Variants in ZNF140 observed in about 807,000 individuals in gnomAD.
The protein encoded by ZNF140 is zinc finger protein 140.
A neutral mutation model predicts 12.9 loss-of-function variants in ZNF140; 13 were observed. The ratio of observed to expected loss-of-function variants is 1.01; its 90% confidence interval spans 0.66 to 1.60. The LOEUF (loss-of-function observed/expected upper bound fraction) is 1.60, where lower values mean the gene tolerates loss of function less well. Among genes scored for constraint, ZNF140 ranks in the 40% most tolerant of loss-of-function variants. The pLI is 0.00. For missense variants in ZNF140, 531 were observed against 548.8 expected, an observed-to-expected ratio of 0.97 and a Z score of 0.32; for synonymous variants, 214 against 186.7, an observed-to-expected ratio of 1.15 and a Z score of -1.19.
chr12:133,084,927 A>G (rs1394579747), intron 4 of ZNF140, among the ~76,000 whole-genome samples: 1 of 152,248 alleles, frequency 6.6e-6, no homozygotes, highest in Non-Finnish European at 1.5e-5. Context: ...AAATGAGGAA[A>G]AATGTCCTTT....
chr12:133,088,053 C>A (rs1270586157), intron 4 of ZNF140, among the ~76,000 whole-genome samples: 3 of 151,548 alleles, frequency 2.0e-5, no homozygotes, highest in Non-Finnish European at 4.4e-5. Context: ...TCGCTGGAGC[C>A]CAGGAGGCAG....
At chr12:133,100,479 T>A (rs1955308209) in intron 4 of ZNF140, among the ~76,000 whole-genome samples, 1 of 152,160 alleles carries the variant, frequency 6.6e-6, no homozygotes, top group Non-Finnish European at 1.5e-5. Context: ...CCTGGCCCTT[T>A]TACACCTTAA....
chr12:133,097,857 G>GTGTGT (rs1566316234), intron 4 of ZNF140, among the ~76,000 whole-genome samples: 1 of 148,408 alleles, frequency 6.7e-6, no homozygotes, highest in East Asian at 2.0e-4. Context: ...GTGTTTTTGA[G>GTGTGT]ATGAAGTCTT....
rs1023040853 is a variant in ZNF140, at chr12:133,091,294, T to C, written c.232+7733T>C. Among the ~76,000 whole-genome samples, 596 of 150,918 alleles carry C rather than the reference T, an allele frequency of 3.9e-3. 12 individuals are homozygous for C. The highest frequency in any genetic ancestry group is 0.014 in the African/African-American group (560 of 40,638). On this transcript the variant is annotated intron_variant, in intron 4 of 4. Transcript: ENST00000355557. ...GAGAATGGCGATGACTTTTACCAAG[T>C]ATACTGCTTGTAAACATTTTGTTAA...
At chr12:133,090,794 ATG>A (rs1228419812) in intron 4 of ZNF140, among the ~76,000 whole-genome samples, 1 of 138,736 alleles carries the variant, frequency 7.2e-6, no homozygotes, top group Non-Finnish European at 1.6e-5. Context: ...AGCAAAAAAC[ATG>A]TGAGCAAAAG....
chr12:133,082,958 A>G, intron 2 of ZNF140, 145 bp from the exon 3 acceptor site: 1 of 1,208,096 alleles, frequency 8.3e-7, no homozygotes, highest in Non-Finnish European at 1.1e-6. Context: ...GCTCTTCATT[A>G]TATAATTACT....
chr12:133,100,843 A>C, intron 4 of ZNF140: 1 of 269,114 alleles, frequency 3.7e-6, no homozygotes, highest in South Asian at 3.7e-5. Flanking sequence ...TAGCATTCGC[A>C]GCATAGATAT....
chr12:133,088,974 TGA>T, intron 4 of ZNF140, among the ~76,000 whole-genome samples: 1 of 152,296 alleles, frequency 6.6e-6, no homozygotes, highest in East Asian at 1.9e-4. Context: ...AGTATTTTGT[TGA>T]GAATTTTTAC....
At chr12:133,090,094 G>A (rs1238490305) in intron 4 of ZNF140, among the ~76,000 whole-genome samples, 2 of 151,542 alleles carry the variant, frequency 1.3e-5, no homozygotes, top group African/African-American at 2.4e-5. Context: ...AGTAATCCAC[G>A]CACTTCAGCC....
At position 133,106,162 on chromosome 12, in the gene ZNF140, T is replaced by C. The variant is rs764632585; in HGVS notation, c.885T>C (p.His295=). 2.5e-6 allele frequency: 4 copies of C among 1,614,182 alleles called. No individual in the cohort carries two copies. The highest frequency in any genetic ancestry group is 3.4e-6 in the Non-Finnish European group (4 of 1,180,014). ...AACTCATTCGCCACCAGATTACACA[T>C]ACTGGAGAGAAACCTTATGAATGCA... The part of the protein sequence containing the change: ...GSELIRHQIT[H]TGEKPYECIE... The change falls in exon 5 of 5, where the codon CAT becomes CAC. Residue 295 remains histidine, a synonymous_variant. Transcript: ENST00000355557.
intron 4 of ZNF140, among the ~76,000 whole-genome samples, chr12:133,101,771 T>C (rs1955358839): frequency 6.6e-6 from 1 of 152,172 alleles, no homozygotes; most frequent in Non-Finnish European, 1.5e-5. Context: ...TTCTAGTATT[T>C]CCTTTTGATT....
Position 133,106,082 on chromosome 12 carries a change from GGAAA to G in ZNF140, c.810_813del (p.Lys270AsnfsTer220). On this transcript the variant is annotated frameshift_variant, in exon 5 of 5. Transcript: ENST00000355557. LOFTEE classifies it low-confidence loss of function (END_TRUNC). ...CACTCGACATCAAAGAATTCACATA[GGAAA>G]GAAACAATATATATGTAGGAAATGT... 6.2e-7 allele frequency: 1 copy of G among 1,614,030 alleles called. No individual in the cohort carries two copies. Among genetic ancestry groups the G allele is most frequent in the Non-Finnish European group, 8.5e-7 (1 of 1,179,980 alleles).
intron 4 of ZNF140, among the ~76,000 whole-genome samples, chr12:133,102,589 A>C (rs1327207375): frequency 6.6e-6 from 1 of 151,738 alleles, no homozygotes; most frequent in Admixed American, 6.6e-5. Context: ...ATAAATAAAT[A>C]AAATAAACCA....
At chr12:133,087,524 C>CG (rs113024727) in intron 4 of ZNF140, among the ~76,000 whole-genome samples, 1 of 144,956 alleles carries the variant, frequency 6.9e-6, no homozygotes, top group Non-Finnish European at 1.5e-5. Context: ...TTTGGCTAGT[C>CG]AAAAAAAAAA....
chr12:133,095,972 G>C (rs1332531641), intron 4 of ZNF140, among the ~76,000 whole-genome samples: 5 of 151,188 alleles, frequency 3.3e-5, no homozygotes, highest in African/African-American at 9.7e-5. Context: ...GGGCAGGCAG[G>C]AGACAGTGGC....
Position 133,105,618 on chromosome 12 carries a change from A to G in ZNF140, c.341A>G (p.Tyr114Cys). The change falls in exon 5 of 5, where the codon TAT becomes TGT. Residue 114 changes from tyrosine (Y) to cysteine (C), a missense_variant. Tyr to Cys is a radical substitution (Grantham distance 194). Transcript: ENST00000355557. Reference sequence around the variant, plus strand: ...AGAATTCTAAGTCAAGGCCCTGTGTATTCCAGTTTTAAAGGAGGCTGGAAA... The same window carrying G: ...AGAATTCTAAGTCAAGGCCCTGTGTGTTCCAGTTTTAAAGGAGGCTGGAAA... ...MERILSQGPV[Y>C]SSFKGGWKCK... 6 of 1,614,160 alleles carry G rather than the reference A, an allele frequency of 3.7e-6. No homozygotes were observed. The highest frequency in any genetic ancestry group is 5.1e-6 in the Non-Finnish European group (6 of 1,180,032).
chr12:133,090,879 C>T lies in ZNF140; in HGVS notation c.232+7318C>T, dbSNP rs936385739. Among the ~76,000 whole-genome samples, 44 of 136,652 alleles carry T rather than the reference C, an allele frequency of 3.2e-4. 1 individual carries two copies. Among genetic ancestry groups the T allele is most frequent in the South Asian group, 4.8e-4 (2 of 4,210 alleles). The allele number at this position is 136,652 out of a possible 152,430, so 89.6% of individuals were successfully genotyped here. On this transcript the variant is annotated intron_variant, in intron 4 of 4. Coordinates refer to ENST00000355557, the MANE Select transcript of ZNF140 (RefSeq NM_003440.4). ...GCATGTAATCCAGATTTATGTTTCT[C>T]TCCACCCAAACATCTCAGCGGAGTA...
At chr12:133,095,004 T>C (rs1350142039) in intron 4 of ZNF140, among the ~76,000 whole-genome samples, 2 of 151,292 alleles carry the variant, frequency 1.3e-5, no homozygotes, top group South Asian at 2.1e-4. Context: ...CACAATCTAT[T>C]ACACAGCTTT....
At chr12:133,103,851 C>G (rs1273314339) in intron 4 of ZNF140, among the ~76,000 whole-genome samples, 1 of 152,170 alleles carries the variant, frequency 6.6e-6, no homozygotes, top group African/African-American at 2.4e-5. Context: ...TTTAGGTACT[C>G]AGTAGATACA....
Sources: allele counts gnomAD v4.1 joint callset (sites outside exome capture counted in the v4.1 genomes callset), GRCh38; gene constraint gnomAD v4.1.1; transcripts MANE v1.5; gene names NCBI Gene and HGNC (gene_info 2026-07-23, HGNC 2026-07-21).